Variants in PTPN2 observed in about 807,000 individuals in gnomAD.
The protein encoded by PTPN2 is tyrosine-protein phosphatase non-receptor type 2.
Under a neutral mutation model 57.3 loss-of-function variants are expected in PTPN2, and 19 were observed. The ratio of observed to expected loss-of-function variants is 0.33; its 90% CI spans 0.23 to 0.49. The LOEUF (loss-of-function observed/expected upper bound fraction) is 0.49. Among genes scored for constraint, PTPN2 ranks in the 20% least tolerant of loss-of-function variants. The pLI is 0.99. For synonymous variants in PTPN2, 153 were observed against 164.9 expected (o/e 0.93, Z 0.55); for missense variants, 358 against 501.1 (o/e 0.71, Z 2.73).
At chr18:12,822,813 T>C (rs930839444) in intron 5 of PTPN2, among the ~76,000 whole-genome samples, 8 of 152,068 alleles carry the variant, frequency 5.3e-5, no homozygotes, top group Non-Finnish European at 1.2e-4. Flanking sequence ...TGTTGTCCCT[T>C]CCAATTCATT....
downstream of PTPN2, among the ~76,000 whole-genome samples, chr18:12,791,727 G>A (rs891332150): frequency 3.3e-5 from 5 of 152,158 alleles, no homozygotes; most frequent in Admixed American, 6.5e-5. Context: ...ACCAACAAGT[G>A]TTCATCACAC....
intron 1 of PTPN2, among the ~76,000 whole-genome samples, chr18:12,874,056 C>T (rs1362766260): frequency 6.6e-6 from 1 of 151,774 alleles, no homozygotes; most frequent in Non-Finnish European, 1.5e-5. Context: ...GCCCGGCAGC[C>T]GCCCCGTCTG....
chr18:12,873,533 G>A (rs968094980), intron 1 of PTPN2, among the ~76,000 whole-genome samples: 3 of 152,318 alleles, frequency 2.0e-5, no homozygotes, highest in East Asian at 1.9e-4. Flanking sequence ...CGAGTGATCC[G>A]CCAGCCTCGG....
intron 2 of PTPN2, among the ~76,000 whole-genome samples, chr18:12,846,189 C>T (rs957537120): frequency 3.3e-5 from 5 of 152,168 alleles, no homozygotes; most frequent in Non-Finnish European, 5.9e-5. Flanking sequence ...CATGACTGGT[C>T]ATGACCACAT....
rs1301360294 is a variant in PTPN2 at position 12,884,183 on chromosome 18, G to T, written c.-42C>A. On this transcript the variant is annotated 5_prime_UTR_variant, in exon 1 of 9. Coordinates refer to ENST00000309660, the MANE Select transcript of PTPN2 (RefSeq NM_002828.4). ...TGGCGCGAGCAGAGCCTGCGCCGGC[G>T]GAGAGGCTCAGGCCCCGCACGATCC... 6.6e-7 allele frequency: 1 copy of T among 1,526,164 alleles called. No individual in the cohort carries two copies. The highest frequency in any genetic ancestry group is 8.9e-7 in the Non-Finnish European group (1 of 1,129,758). The allele number at this position is 1,526,164 out of a possible 1,614,324, so 94.5% of individuals were successfully genotyped here.
chr18:12,794,049 A>G lies in PTPN2; in HGVS notation c.*229T>C. On this transcript the variant is annotated 3_prime_UTR_variant, in exon 9 of 9. Transcript: ENST00000309660. ...TGCAAAATTTACCAGTTTTTAACAAACATGAATGTCTTTATTTTAGACAGC... is the reference window on the plus strand; with the variant it reads ...TGCAAAATTTACCAGTTTTTAACAAGCATGAATGTCTTTATTTTAGACAGC... 2 of 1,399,862 alleles carry G rather than the reference A, an allele frequency of 1.4e-6. No individual in the cohort carries two copies. The highest frequency in any genetic ancestry group is 9.2e-7 in the Non-Finnish European group (1 of 1,082,184). The allele number at this position is 1,399,862 out of a possible 1,614,324, so 86.7% of individuals were successfully genotyped here.
intron 1 of PTPN2, among the ~76,000 whole-genome samples, chr18:12,868,540 G>C (rs1313477623): frequency 2.6e-5 from 4 of 152,028 alleles, no homozygotes; most frequent in African/African-American, 7.2e-5. Context: ...ACAGGCGTGA[G>C]CCATCACCTT....
At chr18:12,870,412 T>C (rs1442543225) in intron 1 of PTPN2, among the ~76,000 whole-genome samples, 1 of 80,572 alleles carries the variant, frequency 1.2e-5, no homozygotes, top group Non-Finnish European at 2.1e-5. Context: ...CACGTATATA[T>C]ATGTATATAT....
chr18:12,785,767 TTTGCACA>T, exon 10 of PTPN2: 1 of 1,550,428 alleles, frequency 6.4e-7, no homozygotes, highest in South Asian at 1.1e-5. Context: ...CAGGTCTTGC[TTTGCACA>T]TCAATGGTTC....
intron 7 of PTPN2, among the ~76,000 whole-genome samples, chr18:12,807,500 T>G (rs2041700367): frequency 7.0e-6 from 1 of 143,818 alleles, no homozygotes; most frequent in Admixed American, 7.4e-5. Context: ...TGCAGCACTA[T>G]TCACAGTAGT....
At chr18:12,817,878 T>A (rs1435727068) in intron 5 of PTPN2, among the ~76,000 whole-genome samples, 2 of 152,238 alleles carry the variant, frequency 1.3e-5, no homozygotes, top group Non-Finnish European at 2.9e-5. Context: ...CAATGGCTCA[T>A]GCCTGTAATC....
chr18:12,862,541 C>G (rs1053611653), intron 1 of PTPN2: 1 of 152,214 alleles, frequency 6.6e-6, no homozygotes, highest in Non-Finnish European at 1.5e-5. Flanking sequence ...TTTGTCCCAG[C>G]CTCTAAGGTC....
intron 2 of PTPN2, among the ~76,000 whole-genome samples, chr18:12,858,432 A>G (rs1363698225): frequency 6.6e-6 from 1 of 152,268 alleles, no homozygotes; most frequent in Non-Finnish European, 1.5e-5. Context: ...CTCTAGTATT[A>G]TAATTGTTCA....
chr18:12,817,874 C>T (rs2042130381), intron 5 of PTPN2, among the ~76,000 whole-genome samples: 1 of 152,206 alleles, frequency 6.6e-6, no homozygotes, highest in Non-Finnish European at 1.5e-5. Context: ...GGTGCAATGG[C>T]TCATGCCTGT....
chr18:12,870,391 A>G lies in PTPN2; in HGVS notation c.70-11137T>C, dbSNP rs1469142933. Among the ~76,000 whole-genome samples the G allele has an allele frequency of 4.2e-4, 30 of 72,252 alleles. 1 individual carries two copies. Among genetic ancestry groups the G allele is most frequent in the Non-Finnish European group, 7.5e-4 (30 of 40,018 alleles). The allele number at this position is 72,252 out of a possible 152,430, so 47.4% of individuals were successfully genotyped here. On this transcript the variant is annotated intron_variant, in intron 1 of 8. Transcript: ENST00000309660. ...TATATATACATATATATACGTATAT[A>G]TGTATATATACACGTATATATATGT...
chr18:12,823,803 T>G (rs1439485178), intron 5 of PTPN2, among the ~76,000 whole-genome samples: 1 of 152,172 alleles, frequency 6.6e-6, no homozygotes, highest in Non-Finnish European at 1.5e-5. Context: ...ACGGGGATAA[T>G]AAGAATATTT....
rs541352858 is a variant in PTPN2, at chr18:12,794,000, G to A, written c.*278C>T. On this transcript the variant is annotated 3_prime_UTR_variant, in exon 9 of 9. Transcript: ENST00000309660. ...CTCAATGTTGGTCAGGTGAAATACTGTGTTTGACATGTATGAATACAGTTG... is the reference window on the plus strand; with the variant it reads ...CTCAATGTTGGTCAGGTGAAATACTATGTTTGACATGTATGAATACAGTTG... The A allele has an allele frequency of 2.3e-6, 3 of 1,297,248 alleles. No individual in the cohort carries two copies. Among genetic ancestry groups the A allele is most frequent in the East Asian group, 3.3e-5 (1 of 29,868 alleles). The allele number at this position is 1,297,248 out of a possible 1,614,324, so 80.4% of individuals were successfully genotyped here. A position where few individuals can be genotyped will look rare whatever the true frequency, so the allele number is the denominator to read the frequency against.
intron 7 of PTPN2, among the ~76,000 whole-genome samples, chr18:12,811,858 G>A (rs1302265618): frequency 6.8e-6 from 1 of 147,164 alleles, no homozygotes; most frequent in East Asian, 1.9e-4. Context: ...CTGTGCTCAC[G>A]TTGCACCAAC....
At chr18:12,863,245 GT>G (rs1472263903) in intron 1 of PTPN2, 2 of 152,134 alleles carry the variant, frequency 1.3e-5, no homozygotes, top group Non-Finnish European at 2.9e-5. Flanking sequence ...TCACTTGAGG[GT>G]AGGAGTTTGA....
Sources: allele counts gnomAD v4.1 joint callset (sites outside exome capture counted in the v4.1 genomes callset), GRCh38; gene constraint gnomAD v4.1.1; transcripts MANE v1.5; gene names NCBI Gene and HGNC (gene_info 2026-07-23, HGNC 2026-07-21).